COL25A1: variants seen among roughly 807,000 people sequenced by gnomAD.
The protein encoded by COL25A1 is collagen alpha-1(XXV) chain.
A neutral mutation model predicts 128.4 loss-of-function variants in COL25A1; 103 were observed. The observed-to-expected ratio is 0.80, with a 90% CI of 0.68 to 0.94. The LOEUF (loss-of-function observed/expected upper bound fraction) is 0.94, where lower values mean the gene tolerates loss of function less well. Ranked by LOEUF, COL25A1 falls within the 40% of genes least tolerant of loss-of-function variation. COL25A1 has a pLI of 0.00. For missense variants in COL25A1, 745 were observed against 840.0 expected, an observed-to-expected ratio of 0.89 and a Z score of 1.40; for synonymous variants, 279 against 277.2, an observed-to-expected ratio of 1.01 and a Z score of -0.06.
chr4:109,206,118 C>G (rs1316190292), intron 3 of COL25A1, among the ~76,000 whole-genome samples: 1 of 152,134 alleles, frequency 6.6e-6, no homozygotes, highest in African/African-American at 2.4e-5. Context: ...GATTAATAGA[C>G]AGCAACTTAC....
intron 3 of COL25A1, among the ~76,000 whole-genome samples, chr4:109,130,817 T>A (rs948487537): frequency 6.6e-6 from 1 of 152,230 alleles, no homozygotes. Flanking sequence ...TTTGATCATG[T>A]AACCCTTTCA....
At chr4:109,187,577 T>C (rs1775256838) in intron 3 of COL25A1, among the ~76,000 whole-genome samples, 1 of 152,194 alleles carries the variant, frequency 6.6e-6, no homozygotes, top group South Asian at 2.1e-4. Context: ...CTACAGAACT[T>C]GGTATTATTA....
chr4:109,036,549 T>C (rs1759372943), intron 5 of COL25A1, among the ~76,000 whole-genome samples: 1 of 152,162 alleles, frequency 6.6e-6, no homozygotes, highest in African/African-American at 2.4e-5. Context: ...GGAGAGGGCA[T>C]CAGGATAAAT....
chr4:108,882,636 C>A (rs566841417), intron 19 of COL25A1, among the ~76,000 whole-genome samples: 1 of 152,188 alleles, frequency 6.6e-6, no homozygotes, highest in Non-Finnish European at 1.5e-5. Context: ...TAATATGAAA[C>A]CACCTATTAA....
Position 108,942,133 on chromosome 4 carries a change from G to T in COL25A1, c.493-696C>A, listed in dbSNP as rs1408505422. 12 of 1,452,100 alleles carry T rather than the reference G, an allele frequency of 8.3e-6. No individual in the cohort carries two copies. The Admixed American group carries it at 2.4e-4, about 29-fold the overall frequency. 90.0% of individuals were successfully genotyped at this position (1,452,100 alleles called of 1,614,324 possible). On this transcript the variant is annotated intron_variant, in intron 8 of 37. Transcript: ENST00000399132. ...GAGAGGAAGCCAACGGGCTCGGCAA[G>T]CCAATTGAATGGTTCCTGCTCACGC...
intron 5 of COL25A1, among the ~76,000 whole-genome samples, chr4:109,031,895 T>G (rs1343861545): frequency 5.3e-5 from 8 of 152,196 alleles, no homozygotes; most frequent in African/African-American, 1.9e-4. Flanking sequence ...TTTGTCTGCT[T>G]TCCTATAGCA....
intron 27 of COL25A1, among the ~76,000 whole-genome samples, chr4:108,847,095 G>C (rs1046358822): frequency 6.6e-6 from 1 of 151,684 alleles, no homozygotes; most frequent in East Asian, 1.9e-4. Context: ...TAGTAGAGAC[G>C]AGGTTTCACC....
chr4:109,101,783 T>C (rs958708998), intron 3 of COL25A1, among the ~76,000 whole-genome samples: 1 of 152,218 alleles, frequency 6.6e-6, no homozygotes, highest in Admixed American at 6.5e-5. Flanking sequence ...TGGCTGTCTC[T>C]TTCAGAAAGC....
At chr4:109,004,964 T>C (rs1243849377) in intron 6 of COL25A1, among the ~76,000 whole-genome samples, 1 of 152,046 alleles carries the variant, frequency 6.6e-6, no homozygotes, top group Non-Finnish European at 1.5e-5. Flanking sequence ...TAATTACAAT[T>C]CTGTCCAAGT....
At chr4:109,207,590 T>C (rs1309773044) in intron 3 of COL25A1, among the ~76,000 whole-genome samples, 4 of 152,206 alleles carry the variant, frequency 2.6e-5, no homozygotes, top group African/African-American at 9.6e-5. Flanking sequence ...CCAATGTTTT[T>C]AACAAGAAAA....
chr4:109,132,923 C>T (rs1445154454), intron 3 of COL25A1, among the ~76,000 whole-genome samples: 1 of 151,852 alleles, frequency 6.6e-6, no homozygotes, highest in Admixed American at 6.6e-5. Flanking sequence ...TAATGTGGCA[C>T]AAAAATAGGA....
chr4:109,228,670 A>G (rs753394397), intron 3 of COL25A1, among the ~76,000 whole-genome samples: 2 of 152,174 alleles, frequency 1.3e-5, no homozygotes, highest in Non-Finnish European at 2.9e-5. Context: ...TGCTTTCTTA[A>G]GCCATCAGAG....
chr4:109,100,322 A>C (rs1765775678), intron 3 of COL25A1, among the ~76,000 whole-genome samples: 1 of 152,168 alleles, frequency 6.6e-6, no homozygotes, highest in Non-Finnish European at 1.5e-5. Context: ...AATGTCAATT[A>C]GATATGAAAA....
intron 35 of COL25A1, among the ~76,000 whole-genome samples, chr4:108,821,134 G>A (rs1321677669): frequency 4.6e-5 from 7 of 152,324 alleles, no homozygotes; most frequent in Non-Finnish European, 5.9e-5. Context: ...AGAAATATAT[G>A]AGATGTGCAT....
rs1387254020 is a variant in COL25A1 at position 109,141,088 on chromosome 4, AT to A, written c.368-90910del. Among the ~76,000 whole-genome samples the A allele has an allele frequency of 4.3e-4, 66 of 152,250 alleles. 1 individual carries two copies. In the East Asian group the frequency reaches 7.5e-3, roughly 17 times the overall value. ...TGTGGGTTTCTCATAAATAGCTCTA[AT>A]TATTTTGAGATATGTTCCATCAATA... is the stretch of plus-strand genomic sequence containing the variant. On this transcript the variant is annotated intron_variant, in intron 3 of 37. Transcript: ENST00000399132.
chr4:109,033,315 T>A (rs1759044314), intron 5 of COL25A1, among the ~76,000 whole-genome samples: 1 of 152,216 alleles, frequency 6.6e-6, no homozygotes, highest in South Asian at 2.1e-4. Context: ...CCATTAGGCA[T>A]GGGAGCATTT....
intron 3 of COL25A1, among the ~76,000 whole-genome samples, chr4:109,150,123 A>G (rs190806964): frequency 4.8e-4 from 73 of 151,898 alleles, no homozygotes; most frequent in East Asian, 1.2e-3. Context: ...GATAGTCTGT[A>G]TTGTCTCTAA....
At chr4:109,023,926 G>A (rs1181647828) in intron 5 of COL25A1, among the ~76,000 whole-genome samples, 1 of 152,170 alleles carries the variant, frequency 6.6e-6, no homozygotes. Context: ...GTTGCTGCAA[G>A]ATGTCCATCA....
chr4:108,817,575 T>A, intron 36 of COL25A1, 140 bp from the exon 37 acceptor site: 2 of 638,926 alleles, frequency 3.1e-6, no homozygotes, highest in South Asian at 2.2e-5. Flanking sequence ...AATTAGCAAC[T>A]CCCGATATAT....
Sources: gnomAD v4.1 joint callset for allele counts (sites outside exome capture counted in the v4.1 genomes callset) on GRCh38, gnomAD v4.1.1 for gene constraint, MANE v1.5 for transcripts, NCBI Gene and HGNC (gene_info 2026-07-23, HGNC 2026-07-21) for gene names.